The following ADGRA3 variants were observed in gnomAD, a reference collection of about 807,000 sequenced individuals.
ADGRA3 encodes the protein G-protein coupled receptor 125.
A neutral mutation model predicts 119.8 loss-of-function variants in ADGRA3; 56 were observed. The ratio of observed to expected loss-of-function variants is 0.47; its 90% confidence interval spans 0.38 to 0.58. The LOEUF is 0.58. Ranked by LOEUF, ADGRA3 falls within the 20% of genes least tolerant of loss-of-function variation. ADGRA3 has a pLI of 0.00. For missense variants in ADGRA3, 1,516 were observed against 1,649.0 expected (o/e 0.92, Z 1.40); for synonymous variants, 607 against 623.8 (o/e 0.97, Z 0.40).
chr4:22,418,635 A>G (rs1004680292), intron 12 of ADGRA3, among the ~76,000 whole-genome samples: 2 of 152,212 alleles, frequency 1.3e-5, no homozygotes, highest in African/African-American at 4.8e-5. Context: ...GCTACTGAAC[A>G]GTCTCTGGAG....
chr4:22,490,428 G>A (rs1718583173), intron 1 of ADGRA3, among the ~76,000 whole-genome samples: 1 of 151,896 alleles, frequency 6.6e-6, no homozygotes, highest in Admixed American at 6.6e-5. Context: ...CTTTCTACTG[G>A]GACCATCCTG....
At chr4:22,446,498 CA>C (rs1340911354) in intron 5 of ADGRA3, among the ~76,000 whole-genome samples, 1 of 151,954 alleles carries the variant, frequency 6.6e-6, no homozygotes, top group Non-Finnish European at 1.5e-5. Context: ...GTAAGGGTGC[CA>C]AAAAGAGAAA....
intron 3 of ADGRA3, among the ~76,000 whole-genome samples, chr4:22,456,446 T>C (rs56383378): frequency 0.013 from 1,929 of 152,212 alleles, 37 homozygotes; most frequent in African/African-American, 0.043. Flanking sequence ...CTCTGCTCTC[T>C]CTCTCCCCTT....
At chr4:22,461,836 A>G in intron 2 of ADGRA3, 28 bp from the exon 3 acceptor site, 1 of 1,375,648 alleles carries the variant, frequency 7.3e-7, no homozygotes, top group Non-Finnish European at 1.0e-6. Context: ...AAAGTTATTC[A>G]CATATCAACA....
intron 1 of ADGRA3, among the ~76,000 whole-genome samples, chr4:22,500,640 T>TAAC (rs771317320): frequency 5.3e-5 from 8 of 152,072 alleles, no homozygotes; most frequent in East Asian, 3.9e-4. Flanking sequence ...AGCAAGACAA[T>TAAC]AACAACAACA....
At chr4:22,414,707 A>T in intron 12 of ADGRA3, 1 of 637,802 alleles carries the variant, frequency 1.6e-6, no homozygotes, top group Non-Finnish European at 2.8e-6. Context: ...ATATAATTTG[A>T]TGAAAATCTA....
chr4:22,477,762 T>A (rs1000053852), intron 1 of ADGRA3: 2 of 152,198 alleles, frequency 1.3e-5, no homozygotes, highest in African/African-American at 2.4e-5. Flanking sequence ...ACTGTAACCT[T>A]AAAAATACAG....
chr4:22,513,181 T>A (rs1553883846), intron 1 of ADGRA3, among the ~76,000 whole-genome samples: 2 of 151,210 alleles, frequency 1.3e-5, no homozygotes, highest in Non-Finnish European at 2.9e-5. Context: ...GTTTCATTCT[T>A]GTTACCCAGG....
In ADGRA3 at chr4:22,392,700, A is replaced by T; in HGVS notation, c.2482-10T>A. ...GAAGAATTATCCCAACCTACAAGGA[A>T]GATCAAAGAATAAATAAAAGAAAAA... On this transcript the variant is annotated splice_polypyrimidine_tract_variant and intron_variant, in intron 16 of 18. Transcript: ENST00000334304. 1 of 1,597,896 alleles carries T rather than the reference A, an allele frequency of 6.3e-7. No individual in the cohort carries two copies. The highest frequency in any genetic ancestry group is 1.1e-5 in the South Asian group (1 of 87,328).
At chr4:22,471,652 T>C (rs1717861914) in intron 2 of ADGRA3, among the ~76,000 whole-genome samples, 1 of 152,078 alleles carries the variant, frequency 6.6e-6, no homozygotes, top group South Asian at 2.1e-4. Context: ...AGGGGCAGTG[T>C]AGATAAAGAT....
intron 8 of ADGRA3, among the ~76,000 whole-genome samples, chr4:22,437,754 A>C (rs1286080442): frequency 6.6e-6 from 1 of 152,156 alleles, no homozygotes; most frequent in Admixed American, 6.5e-5. Context: ...TTCATTTCCC[A>C]AAGTCCTTCT....
chr4:22,421,881 C>CCAAAAAAAAAAAAAAAAAAAAAAAA (rs767609157), intron 11 of ADGRA3, among the ~76,000 whole-genome samples: 2 of 70,442 alleles, frequency 2.8e-5, no homozygotes, highest in African/African-American at 1.3e-4. Context: ...ACTCAGTCTC[C>CCAAAAAAAAAAAAAAAAAAAAAAAA]AAAAAAAAAA....
At chr4:22,492,080 A>G (rs1462989) in intron 1 of ADGRA3, among the ~76,000 whole-genome samples, 149,742 of 152,262 alleles carry the variant, frequency 0.98, 73,683 homozygotes, top group Middle Eastern at 1. Context: ...CCTAATACAC[A>G]TATTCCTTCC....
chr4:22,456,318 G>C (rs970117011), intron 3 of ADGRA3, among the ~76,000 whole-genome samples: 34 of 152,302 alleles, frequency 2.2e-4, no homozygotes, highest in African/African-American at 8.2e-4. Context: ...TTCCAGGGGA[G>C]ATTGGTGCGG....
intron 4 of ADGRA3, among the ~76,000 whole-genome samples, chr4:22,453,853 T>C (rs1450923472): frequency 6.6e-6 from 1 of 152,100 alleles, no homozygotes; most frequent in Non-Finnish European, 1.5e-5. Flanking sequence ...TTTATTACTT[T>C]TTTTTTTATT....
intron 3 of ADGRA3, among the ~76,000 whole-genome samples, chr4:22,455,364 T>G (rs1403022346): frequency 6.6e-6 from 1 of 152,160 alleles, no homozygotes; most frequent in Non-Finnish European, 1.5e-5. Context: ...GGCAAAATAT[T>G]ACAATGATGG....
rs998803827 is a variant in ADGRA3, at chr4:22,474,832, T to C, written c.258-989A>G. Among the ~76,000 whole-genome samples, 9 of 152,272 alleles carry C rather than the reference T, an allele frequency of 5.9e-5. No homozygotes were observed. In the East Asian group the frequency reaches 9.7e-4, roughly 16 times the overall value. ...AGAAAATTCTCCATCACACACAGCA[T>C]TGCATAACTTTCAGGGGCACCCTTC... On this transcript the variant is annotated intron_variant, in intron 1 of 18. Coordinates refer to ENST00000334304, the MANE Select transcript of ADGRA3 (RefSeq NM_145290.4).
intron 6 of ADGRA3, among the ~76,000 whole-genome samples, chr4:22,444,255 A>G (rs141374148): frequency 2.0e-5 from 3 of 152,144 alleles, no homozygotes; most frequent in Non-Finnish European, 4.4e-5. Context: ...AGAATTAACT[A>G]TAAGATACAG....
intron 12 of ADGRA3, among the ~76,000 whole-genome samples, chr4:22,418,961 G>A (rs551739930): frequency 6.6e-6 from 1 of 152,128 alleles, no homozygotes; most frequent in Non-Finnish European, 1.5e-5. Flanking sequence ...AAGTGGCATC[G>A]TTGTAGTGAT....
Sources: gnomAD v4.1 joint callset for allele counts (sites outside exome capture counted in the v4.1 genomes callset) on GRCh38, gnomAD v4.1.1 for gene constraint, MANE v1.5 for transcripts, NCBI Gene and HGNC (gene_info 2026-07-23, HGNC 2026-07-21) for gene names.